Variants in ACOXL observed in about 807,000 individuals in gnomAD.
The protein encoded by ACOXL is acyl-coenzyme A oxidase-like protein.
ACOXL carries 70 observed loss-of-function variants against 71.9 expected under a neutral mutation model. That is an observed-to-expected ratio of 0.97 (90% CI 0.80 to 1.19). ACOXL has a LOEUF of 1.19. ACOXL is among the 50% of genes most tolerant of loss of function. ACOXL has a pLI of 0.00. For synonymous variants in ACOXL, 253 were observed against 281.6 expected, an observed-to-expected ratio of 0.90 and a Z score of 1.02; for missense variants, 703 against 736.3, an observed-to-expected ratio of 0.95 and a Z score of 0.52.
In ACOXL at chr2:110,897,626, T is replaced by C. The variant is rs868206327; in HGVS notation, c.789-11163T>C. ...GGCCTCACCTCCCAACACTGTTGCATTGGGGATTACATTTCCAACACATGA... is the reference window on the plus strand; with the variant it reads ...GGCCTCACCTCCCAACACTGTTGCACTGGGGATTACATTTCCAACACATGA... On this transcript the variant is annotated intron_variant, in intron 10 of 17. Coordinates refer to ENST00000439055, the MANE Select transcript of ACOXL (RefSeq NM_001142807.4). Among the ~76,000 whole-genome samples the C allele has an allele frequency of 1.3e-4, 20 of 152,302 alleles. No homozygotes were observed. The Middle Eastern group carries it at 0.014, about 104-fold the overall frequency.
At chr2:110,801,427 C>T (rs1426794635) in intron 7 of ACOXL, among the ~76,000 whole-genome samples, 2 of 152,200 alleles carry the variant, frequency 1.3e-5, no homozygotes, top group Non-Finnish European at 2.9e-5. Flanking sequence ...AGAGTCCATT[C>T]TCCTCCACTC....
At chr2:110,768,240 G>C (rs1331491331) in intron 1 of ACOXL, 128 bp from the exon 2 acceptor site, 5 of 674,372 alleles carry the variant, frequency 7.4e-6, no homozygotes, top group South Asian at 1.8e-5. Flanking sequence ...GACACACACA[G>C]TGTGCACAGT....
chr2:110,780,442 G>A (rs111591719), intron 2 of ACOXL, among the ~76,000 whole-genome samples: 1 of 152,114 alleles, frequency 6.6e-6, no homozygotes, highest in African/African-American at 2.4e-5. Context: ...GCATTCCTAA[G>A]GATTTACAAA....
At chr2:110,818,433 G>A (rs1307322075) in intron 9 of ACOXL, among the ~76,000 whole-genome samples, 13 of 145,588 alleles carry the variant, frequency 8.9e-5, no homozygotes, top group Admixed American at 2.1e-4. Flanking sequence ...ATGTGTGTGT[G>A]TGTGTGTGTG....
intron 16 of ACOXL, among the ~76,000 whole-genome samples, chr2:111,055,944 A>T (rs2066513542): frequency 6.6e-6 from 1 of 152,234 alleles, no homozygotes; most frequent in Non-Finnish European, 1.5e-5. Context: ...CACAGAAAGA[A>T]GTAAGAGTGT....
At chr2:111,018,825 C>G (rs909313895) in intron 14 of ACOXL, among the ~76,000 whole-genome samples, 1 of 152,006 alleles carries the variant, frequency 6.6e-6, no homozygotes, top group Non-Finnish European at 1.5e-5. Context: ...CCAAGGAGCC[C>G]CAAATTGCAG....
At chr2:111,045,868 C>T (rs531512791) in intron 15 of ACOXL, among the ~76,000 whole-genome samples, 16 of 152,272 alleles carry the variant, frequency 1.1e-4, no homozygotes, top group Middle Eastern at 6.8e-3. Context: ...AGCCAGCCCA[C>T]GAAGGGCACT....
chr2:111,040,877 A>T (rs2065749672), intron 15 of ACOXL, among the ~76,000 whole-genome samples: 1 of 152,104 alleles, frequency 6.6e-6, no homozygotes, highest in Non-Finnish European at 1.5e-5. Context: ...ACAGGGCCTG[A>T]GTGCCAAGGC....
rs75442617 is a variant in ACOXL at position 110,887,046 on chromosome 2, C to A, written c.789-21743C>A. 20 of 615,184 alleles carry A rather than the reference C, an allele frequency of 3.3e-5. No homozygotes were observed. The African/African-American group carries it at 3.5e-4, about 11-fold the overall frequency. 38.1% of individuals were successfully genotyped at this position (615,184 alleles called of 1,614,324 possible). ...TTAGGAGATGCTGGCCTGGCGTCCA[C>A]GGGTCTGCTGTGTATGTCTCTCCAG... On this transcript the variant is annotated intron_variant, in intron 10 of 17. Coordinates refer to ENST00000439055, the MANE Select transcript of ACOXL (RefSeq NM_001142807.4).
chr2:111,014,959 G>A (rs890482791), intron 14 of ACOXL, among the ~76,000 whole-genome samples: 5 of 152,208 alleles, frequency 3.3e-5, no homozygotes, highest in African/African-American at 9.6e-5. Context: ...AATACACAAA[G>A]GTTAATTTGA....
At chr2:111,003,591 C>T (rs924560024) in intron 14 of ACOXL, among the ~76,000 whole-genome samples, 3 of 110,232 alleles carry the variant, frequency 2.7e-5, no homozygotes, top group East Asian at 2.7e-4. Context: ...AATCACAGAA[C>T]TAGCTTTTAC....
chr2:111,045,446 T>A (rs1574588916), intron 15 of ACOXL, among the ~76,000 whole-genome samples: 1 of 152,168 alleles, frequency 6.6e-6, no homozygotes, highest in South Asian at 2.1e-4. Flanking sequence ...GATCTGATGG[T>A]TTTATAAGGG....
intron 9 of ACOXL, among the ~76,000 whole-genome samples, chr2:110,828,473 A>G (rs972100576): frequency 6.6e-6 from 1 of 152,234 alleles, no homozygotes; most frequent in Non-Finnish European, 1.5e-5. Context: ...AATGCCAACA[A>G]TAGTCTGTGA....
intron 9 of ACOXL, among the ~76,000 whole-genome samples, chr2:110,838,634 C>T (rs1378601362): frequency 2.6e-5 from 4 of 152,204 alleles, no homozygotes; most frequent in African/African-American, 9.6e-5. Context: ...GCTTCTTACA[C>T]AGCTCATTTG....
chr2:110,971,469 A>G (rs1438462752), intron 12 of ACOXL, among the ~76,000 whole-genome samples: 1 of 152,226 alleles, frequency 6.6e-6, no homozygotes, highest in Non-Finnish European at 1.5e-5. Flanking sequence ...CTACAGTTAC[A>G]TTCATGCAAA....
intron 1 of ACOXL, among the ~76,000 whole-genome samples, chr2:110,762,076 TTTATAA>T (rs1397124990): frequency 1.3e-5 from 2 of 152,198 alleles, no homozygotes; most frequent in Non-Finnish European, 2.9e-5. Flanking sequence ...GATTGATCCT[TTTATAA>T]TTATAATATC....
At chr2:110,750,579 A>G (rs189667803) in intron 1 of ACOXL, among the ~76,000 whole-genome samples, 230 of 148,880 alleles carry the variant, frequency 1.5e-3, no homozygotes, top group Middle Eastern at 3.6e-3. Context: ...ATATATATAC[A>G]TATATATACA....
intron 16 of ACOXL, among the ~76,000 whole-genome samples, chr2:111,087,995 A>T (rs966654139): frequency 1.3e-5 from 2 of 152,250 alleles, no homozygotes; most frequent in African/African-American, 4.8e-5. Flanking sequence ...ACATGAACAG[A>T]CACTTCAGAA....
At chr2:110,927,710 C>G (rs1011012593) in intron 11 of ACOXL, among the ~76,000 whole-genome samples, 1 of 152,166 alleles carries the variant, frequency 6.6e-6, no homozygotes, top group African/African-American at 2.4e-5. Flanking sequence ...GTTGCGAATC[C>G]TCAATTTGGC....
Sources: gnomAD v4.1 joint callset for allele counts (sites outside exome capture counted in the v4.1 genomes callset) on GRCh38, gnomAD v4.1.1 for gene constraint, MANE v1.5 for transcripts, NCBI Gene and HGNC (gene_info 2026-07-23, HGNC 2026-07-21) for gene names.